Variants in REV3L observed in about 807,000 individuals in gnomAD.
REV3L encodes the protein DNA polymerase zeta catalytic subunit.
REV3L carries 69 observed loss-of-function variants against 299.4 expected under a neutral mutation model. The ratio of observed to expected loss-of-function variants is 0.23; its 90% CI spans 0.19 to 0.28. REV3L has a LOEUF of 0.28. Ranked by LOEUF, REV3L falls within the 10% of genes least tolerant of loss-of-function variation. The pLI is 1.00. For missense variants in REV3L, 3,128 were observed against 3,693.8 expected (o/e 0.85, Z 3.97); for synonymous variants, 1,238 against 1,271.4 (o/e 0.97, Z 0.56).
intron 18 of REV3L, among the ~76,000 whole-genome samples, chr6:111,356,514 C>T (rs1440240610): frequency 6.6e-6 from 1 of 151,974 alleles, no homozygotes; most frequent in South Asian, 2.1e-4. Context: ...GATAATCCTA[C>T]ATTTATGAAC....
chr6:111,303,034 T>A (rs1771753701), intron 31 of REV3L, among the ~76,000 whole-genome samples: 1 of 152,228 alleles, frequency 6.6e-6, no homozygotes, highest in Non-Finnish European at 1.5e-5. Context: ...TTTCATTTTG[T>A]TTAACAGAAT....
intron 13 of REV3L, 71 bp downstream of exon 13, chr6:111,372,525 T>C (rs373727829): frequency 3.3e-6 from 4 of 1,196,438 alleles, no homozygotes; most frequent in African/African-American, 3.1e-5. Flanking sequence ...TCTTTTTTTT[T>C]CAATCCCCAT....
chr6:111,453,336 T>G (rs527780723), intron 1 of REV3L, among the ~76,000 whole-genome samples: 1 of 152,332 alleles, frequency 6.6e-6, no homozygotes, highest in East Asian at 1.9e-4. Context: ...TCAACTGGGT[T>G]TGCAATTATG....
chr6:111,462,308 A>G (rs1790873089), intron 1 of REV3L, among the ~76,000 whole-genome samples: 1 of 152,152 alleles, frequency 6.6e-6, no homozygotes, highest in African/African-American at 2.4e-5. Context: ...GTAAATACTA[A>G]TCAAAAGGAA....
rs370399012 is a variant in REV3L at position 111,331,671 on chromosome 6, A to G, written c.8034+5T>C. ...TGTTATCTTTCATTTACAAGAGAGT[A>G]TTACCTTGACAAAAGCTACTCCATT... On this transcript the variant is annotated splice_donor_5th_base_variant and intron_variant, in intron 24 of 31. Coordinates refer to ENST00000368802, the MANE Select transcript of REV3L (RefSeq NM_001372078.1). 16 of 1,584,844 alleles carry G rather than the reference A, an allele frequency of 1.0e-5. No individual in the cohort carries two copies. Among genetic ancestry groups the G allele is most frequent in the Non-Finnish European group, 1.2e-5 (14 of 1,154,466 alleles).
intron 4 of REV3L, among the ~76,000 whole-genome samples, chr6:111,396,376 T>C (rs548337159): frequency 2.0e-5 from 3 of 151,606 alleles, no homozygotes; most frequent in Admixed American, 6.6e-5. Context: ...TTTTATGTTT[T>C]GTTGGATTCG....
At position 111,374,562 on chromosome 6, in the gene REV3L, T is replaced by C; in HGVS notation, c.3793A>G (p.Lys1265Glu). Residue 1265 changes from lysine (K) to glutamate (E), a missense_variant, in exon 13 of 32, where the codon AAA (lysine) becomes GAA (glutamate). This residue lies in a region of REV3L where 2,409 missense variants were observed against 2,611.8 expected (regional missense o/e 0.92). Coordinates refer to ENST00000368802, the MANE Select transcript of REV3L (RefSeq NM_001372078.1). ...SGGSQLLFKQ[K>E]DMPLMGSAVD... ...GCAGAGCCCATTAGTGGCATATCTT[T>C]CTGTTTAAAAAGTAGTTGAGAGCCT... 6.2e-7 allele frequency: 1 copy of C among 1,614,012 alleles called. No individual in the cohort carries two copies. Among genetic ancestry groups the C allele is most frequent in the Non-Finnish European group, 8.5e-7 (1 of 1,179,940 alleles).
intron 26 of REV3L, among the ~76,000 whole-genome samples, chr6:111,317,629 A>T (rs997101766): frequency 6.6e-5 from 10 of 152,074 alleles, no homozygotes; most frequent in African/African-American, 2.2e-4. Context: ...CAGGTTCAAT[A>T]CATAAGACTT....
At chr6:111,361,349 A>AG (rs1778634844) in intron 16 of REV3L, 3 of 150,046 alleles carry the variant, frequency 2.0e-5, no homozygotes, top group Non-Finnish European at 4.4e-5. Context: ...GTGCCATTGC[A>AG]TTCCAGCCTG....
At chr6:111,309,826 A>G (rs774346828) in intron 30 of REV3L, 27 bp downstream of exon 30, 1 of 1,601,940 alleles carries the variant, frequency 6.2e-7, no homozygotes, top group South Asian at 1.1e-5. Context: ...CCATAGTTAG[A>G]GCACATGTAC....
intron 3 of REV3L, among the ~76,000 whole-genome samples, chr6:111,410,966 G>C (rs1784178945): frequency 6.6e-6 from 1 of 152,036 alleles, no homozygotes; most frequent in Non-Finnish European, 1.5e-5. Flanking sequence ...CTGCCCTCCA[G>C]GATGATTGAG....
At chr6:111,453,442 T>C (rs978515847) in intron 1 of REV3L, among the ~76,000 whole-genome samples, 2 of 152,156 alleles carry the variant, frequency 1.3e-5, no homozygotes, top group Admixed American at 1.3e-4. Flanking sequence ...AATGAGATTA[T>C]CTATAACATA....
intron 1 of REV3L, among the ~76,000 whole-genome samples, chr6:111,479,406 G>C (rs1201858793): frequency 1.3e-5 from 2 of 151,602 alleles, no homozygotes; most frequent in African/African-American, 4.8e-5. Context: ...CCATAACTCA[G>C]ATGAAGAAAC....
chr6:111,400,117 G>A (rs187084707), intron 4 of REV3L, among the ~76,000 whole-genome samples: 1 of 152,192 alleles, frequency 6.6e-6, no homozygotes, highest in East Asian at 1.9e-4. Flanking sequence ...ATCACTAAAT[G>A]TTATCAAAGT....
At chr6:111,359,394 G>A (rs1778412642) in intron 16 of REV3L, among the ~76,000 whole-genome samples, 1 of 151,712 alleles carries the variant, frequency 6.6e-6, no homozygotes, top group South Asian at 2.1e-4. Flanking sequence ...TTTACCTGTA[G>A]TTTAAAGTAA....
intron 13 of REV3L, among the ~76,000 whole-genome samples, chr6:111,369,804 T>G (rs1316943015): frequency 2.0e-5 from 3 of 152,136 alleles, no homozygotes; most frequent in Non-Finnish European, 4.4e-5. Context: ...TTTTTTCTTC[T>G]TTCATACTTC....
intron 26 of REV3L, among the ~76,000 whole-genome samples, chr6:111,317,531 G>A (rs1316547004): frequency 6.6e-6 from 1 of 152,258 alleles, no homozygotes; most frequent in Non-Finnish European, 1.5e-5. Context: ...CTGTTACCGA[G>A]GCTGGAGTGC....
chr6:111,337,358 A>C (rs1224202720), intron 21 of REV3L, among the ~76,000 whole-genome samples: 1 of 152,208 alleles, frequency 6.6e-6, no homozygotes, highest in Non-Finnish European at 1.5e-5. Context: ...TTCATAATTT[A>C]CATTTTTAAC....
chr6:111,302,375 C>G (rs1771662675), intron 31 of REV3L, among the ~76,000 whole-genome samples: 1 of 152,124 alleles, frequency 6.6e-6, no homozygotes, highest in Non-Finnish European at 1.5e-5. Flanking sequence ...CTGTGCTTGT[C>G]TGATAAATAA....
Sources: allele counts gnomAD v4.1 joint callset (sites outside exome capture counted in the v4.1 genomes callset), GRCh38; gene constraint gnomAD v4.1.1; regional missense constraint gnomAD v4.1.1; transcripts MANE v1.5; gene names NCBI Gene and HGNC (gene_info 2026-07-23, HGNC 2026-07-21).